The following GHR variants were observed in gnomAD, a reference collection of about 807,000 sequenced individuals.
GHR encodes the protein growth hormone receptor.
A neutral mutation model predicts 67.1 loss-of-function variants in GHR; 35 were observed. That is an observed-to-expected ratio of 0.52 (90% CI 0.40 to 0.69). GHR has a LOEUF of 0.69. Among genes scored for constraint, GHR ranks in the 30% least tolerant of loss-of-function variants. The probability of loss-of-function intolerance (pLI) is 0.00; values close to 1 mark genes in which losing one functional copy is unlikely to be tolerated. For synonymous variants in GHR, 272 were observed against 269.1 expected, an observed-to-expected ratio of 1.01 and a Z score of -0.10; for missense variants, 792 against 764.6, an observed-to-expected ratio of 1.04 and a Z score of -0.42.
At chr5:42,425,683 GT>G (rs1389416770) in intron 1 of GHR, among the ~76,000 whole-genome samples, 1 of 152,166 alleles carries the variant, frequency 6.6e-6, no homozygotes, top group East Asian at 1.9e-4. Flanking sequence ...GGAAGGATGT[GT>G]TTTGGCCTAA....
intron 2 of GHR, among the ~76,000 whole-genome samples, chr5:42,615,058 C>A (rs4484445): frequency 0.99 from 150,164 of 152,174 alleles, 74,163 homozygotes; most frequent in Non-Finnish European, 1. Context: ...GGGCAGGCTC[C>A]CAGTCAGACT....
chr5:42,664,822 A>G (rs1755866697), intron 3 of GHR, among the ~76,000 whole-genome samples: 1 of 152,238 alleles, frequency 6.6e-6, no homozygotes, highest in Admixed American at 6.5e-5. Context: ...ACAAAATGGG[A>G]GAAAATTTTC....
chr5:42,481,435 G>T (rs1314966813), intron 1 of GHR, among the ~76,000 whole-genome samples: 2 of 152,176 alleles, frequency 1.3e-5, no homozygotes, highest in Non-Finnish European at 2.9e-5. Flanking sequence ...ATGTTGGCCT[G>T]CCTTGCTAGA....
At chr5:42,681,796 C>T (rs908790462) in intron 3 of GHR, among the ~76,000 whole-genome samples, 2 of 151,816 alleles carry the variant, frequency 1.3e-5, no homozygotes, top group African/African-American at 2.4e-5. Flanking sequence ...ATTAGGCAGG[C>T]GCAGTGGCGG....
chr5:42,456,750 G>C (rs1430354869), intron 1 of GHR, among the ~76,000 whole-genome samples: 1 of 152,096 alleles, frequency 6.6e-6, no homozygotes, highest in African/African-American at 2.4e-5. Flanking sequence ...GAAAAGAGAC[G>C]GTAAACAAAC....
intron 2 of GHR, among the ~76,000 whole-genome samples, chr5:42,567,142 A>G (rs536012275): frequency 2.6e-5 from 4 of 152,306 alleles, no homozygotes; most frequent in Admixed American, 6.5e-5. Flanking sequence ...AAAGAATTGC[A>G]GCTGAGATCC....
chr5:42,519,257 C>G (rs976131233), intron 1 of GHR, among the ~76,000 whole-genome samples: 2 of 152,094 alleles, frequency 1.3e-5, no homozygotes, highest in East Asian at 3.9e-4. Context: ...AAAGTTTGAC[C>G]AAAATTTCAC....
At chr5:42,523,097 A>T (rs993906821) in intron 1 of GHR, among the ~76,000 whole-genome samples, 2 of 152,226 alleles carry the variant, frequency 1.3e-5, no homozygotes, top group African/African-American at 4.8e-5. Context: ...TTACAACCAA[A>T]TCACACACTG....
intron 3 of GHR, among the ~76,000 whole-genome samples, chr5:42,661,866 C>T (rs201764447): frequency 2.6e-5 from 4 of 152,144 alleles, no homozygotes; most frequent in African/African-American, 4.8e-5. Context: ...ACCCATCTCA[C>T]GTGCAGAGAC....
intron 2 of GHR, among the ~76,000 whole-genome samples, chr5:42,573,470 G>A (rs920976660): frequency 7.9e-5 from 12 of 151,860 alleles, no homozygotes; most frequent in African/African-American, 1.2e-4. Context: ...ACTGAACTCC[G>A]AACCCCATGC....
intron 1 of GHR, among the ~76,000 whole-genome samples, chr5:42,427,155 C>T (rs1049806623): frequency 1.2e-4 from 18 of 152,238 alleles, no homozygotes; most frequent in African/African-American, 4.3e-4. Flanking sequence ...GTTCCACCCT[C>T]CTCTGCCTTG....
intron 3 of GHR, among the ~76,000 whole-genome samples, chr5:42,663,317 T>C (rs1011560174): frequency 6.6e-6 from 1 of 152,192 alleles, no homozygotes; most frequent in Admixed American, 6.5e-5. Flanking sequence ...GCCAATATCC[T>C]TGATGAACAT....
intron 1 of GHR, among the ~76,000 whole-genome samples, chr5:42,492,636 C>T (rs992871168): frequency 6.6e-5 from 10 of 152,132 alleles, no homozygotes; most frequent in African/African-American, 2.4e-4. Flanking sequence ...TCTGAACTAA[C>T]ATTAGCAAAG....
At chr5:42,440,053 T>C (rs2111949218) in intron 1 of GHR, among the ~76,000 whole-genome samples, 1 of 152,306 alleles carries the variant, frequency 6.6e-6, no homozygotes, top group South Asian at 2.1e-4. Flanking sequence ...TCATCATTAC[T>C]CTCATCCTCA....
Position 42,699,887 on chromosome 5 carries a change from A to C in GHR, c.503A>C (p.His168Pro), listed in dbSNP as rs773407028. 1.9e-6 allele frequency: 3 copies of C among 1,604,284 alleles called. No individual in the cohort carries two copies. In the African/African-American group the frequency reaches 4.0e-5, roughly 21 times the overall value. Residue 168 changes from histidine to proline, a missense_variant, in exon 6 of 10, where the codon CAT (histidine) becomes CCT (proline). Coordinates refer to ENST00000230882, the MANE Select transcript of GHR (RefSeq NM_000163.5). ...TLLNVSLTGI[H>P]ADIQVRWEAP... ...CTGAACGTCAGTTTAACTGGGATTC[A>C]TGCAGATATCCAAGTGAGATGGGAA...
chr5:42,659,748 C>G (rs962411219), intron 3 of GHR, among the ~76,000 whole-genome samples: 9 of 152,168 alleles, frequency 5.9e-5, no homozygotes, highest in African/African-American at 1.9e-4. Context: ...GAGTGCCAGA[C>G]AGTGGGCCCG....
chr5:42,590,062 G>A (rs190637570), intron 2 of GHR, among the ~76,000 whole-genome samples: 1 of 152,298 alleles, frequency 6.6e-6, no homozygotes, highest in Admixed American at 6.5e-5. Context: ...TTGGGAGCAT[G>A]TTGTGTGCCT....
At chr5:42,524,605 G>A (rs545040050) in intron 1 of GHR, among the ~76,000 whole-genome samples, 2 of 152,334 alleles carry the variant, frequency 1.3e-5, no homozygotes, top group East Asian at 1.9e-4. Context: ...AAATTTGCAT[G>A]AGTAGCAAGG....
intron 2 of GHR, among the ~76,000 whole-genome samples, chr5:42,602,115 G>A (rs557435305): frequency 6.6e-5 from 10 of 152,158 alleles, no homozygotes; most frequent in African/African-American, 2.2e-4. Context: ...AATTACTAGA[G>A]TGAAACAAAT....
Sources: gnomAD v4.1 joint callset for allele counts (sites outside exome capture counted in the v4.1 genomes callset) on GRCh38, gnomAD v4.1.1 for gene constraint, MANE v1.5 for transcripts, NCBI Gene and HGNC (gene_info 2026-07-23, HGNC 2026-07-21) for gene names.